The following C4orf17 variants were observed in gnomAD, a reference collection of about 807,000 sequenced individuals.
C4orf17 encodes the protein chromosome 4 open reading frame 17.
In C4orf17, 25 loss-of-function variants were observed where a neutral mutation model predicts 32.0. The ratio of observed to expected loss-of-function variants is 0.78; its 90% CI spans 0.57 to 1.09. The LOEUF (loss-of-function observed/expected upper bound fraction) is 1.09. C4orf17 is among the 50% of genes least tolerant of loss of function. C4orf17 has a pLI of 0.00. For missense variants in C4orf17, 420 were observed against 420.0 expected, an observed-to-expected ratio of 1.00 and a Z score of 0.00; for synonymous variants, 149 against 145.8, an observed-to-expected ratio of 1.02 and a Z score of -0.16.
intron 2 of C4orf17, among the ~76,000 whole-genome samples, chr4:99,514,621 TG>T (rs1370530066): frequency 6.6e-6 from 1 of 152,116 alleles, no homozygotes; most frequent in Non-Finnish European, 1.5e-5. Context: ...GGTGTGGATA[TG>T]GTGAAAAGGG....
intron 3 of C4orf17, among the ~76,000 whole-genome samples, 157 bp from the exon 4 acceptor site, chr4:99,524,364 C>T (rs1230031691): frequency 6.6e-6 from 1 of 152,102 alleles, no homozygotes; most frequent in Non-Finnish European, 1.5e-5. Context: ...ATTATAATGC[C>T]ATTTACCTGC....
intron 2 of C4orf17, among the ~76,000 whole-genome samples, chr4:99,516,119 G>A (rs1481080851): frequency 3.3e-5 from 5 of 152,150 alleles, no homozygotes; most frequent in African/African-American, 1.2e-4. Context: ...AAAGGGAGAA[G>A]GTGAAGTCAT....
intron 8 of C4orf17, 161 bp from the exon 9 acceptor site, chr4:99,541,749 G>GAA: frequency 1.7e-6 from 1 of 591,658 alleles, no homozygotes; most frequent in Non-Finnish European, 3.0e-6. Context: ...GCATGTGGTG[G>GAA]AAAAAAAAAG....
At chr4:99,528,987 T>G (rs950274739) in intron 4 of C4orf17, among the ~76,000 whole-genome samples, 1 of 152,216 alleles carries the variant, frequency 6.6e-6, no homozygotes, top group African/African-American at 2.4e-5. Context: ...AAGGACTTAC[T>G]GTGTTACTAT....
chr4:99,530,098 C>T (rs1197683162), intron 5 of C4orf17, 140 bp downstream of exon 5: 1 of 613,018 alleles, frequency 1.6e-6, no homozygotes, highest in Non-Finnish European at 2.7e-6. Context: ...GCCTGAAATC[C>T]AAGGCATACT....
At chr4:99,532,668 A>G (rs1195616887) in intron 5 of C4orf17, among the ~76,000 whole-genome samples, 2 of 152,198 alleles carry the variant, frequency 1.3e-5, no homozygotes, top group Non-Finnish European at 2.9e-5. Context: ...CACATAACAA[A>G]CATGCACATG....
chr4:99,535,434 C>T (rs1239526176), intron 5 of C4orf17, among the ~76,000 whole-genome samples: 1 of 151,804 alleles, frequency 6.6e-6, no homozygotes, highest in Non-Finnish European at 1.5e-5. Context: ...TTTGCTTATT[C>T]CTTTTCATTC....
At chr4:99,533,576 T>G (rs1267427093) in intron 5 of C4orf17, among the ~76,000 whole-genome samples, 1 of 152,152 alleles carries the variant, frequency 6.6e-6, no homozygotes, top group Non-Finnish European at 1.5e-5. Context: ...CATTTGAGGA[T>G]GCTGAGGTGG....
chr4:99,514,579 G>A (rs1289060244), intron 2 of C4orf17, among the ~76,000 whole-genome samples: 1 of 152,006 alleles, frequency 6.6e-6, no homozygotes, highest in Non-Finnish European at 1.5e-5. Flanking sequence ...TGTAAGAACG[G>A]CCATAATTAA....
At chr4:99,525,817 T>C (rs976607776) in intron 4 of C4orf17, among the ~76,000 whole-genome samples, 1 of 152,144 alleles carries the variant, frequency 6.6e-6, no homozygotes, top group Non-Finnish European at 1.5e-5. Context: ...AAATTGGTTG[T>C]TGACTTTTTT....
intron 4 of C4orf17, among the ~76,000 whole-genome samples, chr4:99,527,742 T>G (rs1394710517): frequency 2.0e-5 from 3 of 152,190 alleles, no homozygotes; most frequent in Admixed American, 1.3e-4. Flanking sequence ...TTGGGGACCC[T>G]CGTTCTATAG....
chr4:99,540,172 G>T (rs548791625), intron 7 of C4orf17, among the ~76,000 whole-genome samples: 1 of 152,118 alleles, frequency 6.6e-6, no homozygotes, highest in Non-Finnish European at 1.5e-5. Context: ...CTAGAAGATA[G>T]TAAGAGTTAA....
intron 3 of C4orf17, among the ~76,000 whole-genome samples, chr4:99,523,976 C>CT (rs34303512): frequency 0.015 from 1,659 of 114,078 alleles, 42 homozygotes; most frequent in Admixed American, 0.027. Flanking sequence ...AAAATATATA[C>CT]TTTTTTTTTT....
intron 7 of C4orf17, 70 bp from the exon 8 acceptor site, chr4:99,540,342 C>T (rs750871674): frequency 3.5e-5 from 37 of 1,066,890 alleles, no homozygotes; most frequent in Admixed American, 9.1e-5. Flanking sequence ...TTATTGATGA[C>T]AGTGTAGTCT....
At chr4:99,530,784 A>G (rs12640855) in intron 5 of C4orf17, among the ~76,000 whole-genome samples, 25,342 of 152,106 alleles carry the variant, frequency 0.17, 2,640 homozygotes, top group East Asian at 0.44. Flanking sequence ...TGATAATTAA[A>G]CTTGAGGAGA....
In C4orf17 at chr4:99,513,217, A is replaced by C; in HGVS notation, c.127+9A>C. ...AGTCTGCCACATCAAAGGTAAGGTG[A>C]CTTAAGGTCCTAGTATGTGTCTCTA... On this transcript the variant is annotated intron_variant, in intron 2 of 8. Coordinates refer to ENST00000326581, the MANE Select transcript of C4orf17 (RefSeq NM_032149.3). 6.2e-7 allele frequency: 1 copy of C among 1,613,690 alleles called. No individual in the cohort carries two copies. The highest frequency in any genetic ancestry group is 8.5e-7 in the Non-Finnish European group (1 of 1,179,704).
chr4:99,532,278 T>C (rs558882839), intron 5 of C4orf17, among the ~76,000 whole-genome samples: 1 of 152,210 alleles, frequency 6.6e-6, no homozygotes, highest in African/African-American at 2.4e-5. Context: ...ATATTCACAA[T>C]AGCAAAGACA....
chr4:99,538,339 CTG>C (rs1295684518), intron 6 of C4orf17, among the ~76,000 whole-genome samples: 8 of 152,204 alleles, frequency 5.3e-5, no homozygotes, highest in African/African-American at 1.9e-4. Flanking sequence ...ATCAGACTGA[CTG>C]AGGCAAAATC....
chr4:99,526,428 T>G (rs898156576), intron 4 of C4orf17, among the ~76,000 whole-genome samples: 1 of 152,192 alleles, frequency 6.6e-6, no homozygotes, highest in African/African-American at 2.4e-5. Flanking sequence ...TGAGGAATAT[T>G]TGTTTGTAGT....
Sources: allele counts gnomAD v4.1 joint callset (sites outside exome capture counted in the v4.1 genomes callset), GRCh38; gene constraint gnomAD v4.1.1; transcripts MANE v1.5; gene names NCBI Gene and HGNC (gene_info 2026-07-23, HGNC 2026-07-21).